Variants in DEFB107B observed in about 807,000 individuals in gnomAD.
The protein encoded by DEFB107B is defensin beta 107B, also known as beta-defensin 107.
At chr8:7,503,832 C>T (rs1585544944) in intron 1 of DEFB107B, among the ~76,000 whole-genome samples, 1 of 23,894 alleles carries the variant, frequency 4.2e-5, no homozygotes, top group African/African-American at 7.3e-5. Context: ...GTCTACCAAT[C>T]CTTCAAACTG....
Position 7,502,435 on chromosome 8 carries a change from G to A in DEFB107B, c.70+6432G>A, listed in dbSNP as rs1811880614. Among the ~76,000 whole-genome samples, 2 of 22,350 alleles carry A rather than the reference G, an allele frequency of 8.9e-5. 1 individual carries two copies. 14.7% of individuals were successfully genotyped at this position (22,350 alleles called of 152,430 possible). The stretch of plus-strand genomic sequence containing the variant: ...AATAATGATACCTGTTGGAGAATGT[G>A]CAGTGGCAAAAATCAAAAGTTGGAG... On this transcript the variant is annotated intron_variant, in intron 1 of 1. Coordinates refer to ENST00000355602, the MANE Select transcript of DEFB107B (RefSeq NM_001040705.2).
intron 1 of DEFB107B, among the ~76,000 whole-genome samples, chr8:7,497,897 C>A (rs111999509): frequency 0.31 from 6,897 of 22,598 alleles, 3,170 homozygotes; most frequent in African/African-American, 0.52. Context: ...TTGCCCCTAC[C>A]CACCTGTGGG....
chr8:7,496,546 C>T (rs1310891973), intron 1 of DEFB107B, among the ~76,000 whole-genome samples: 1 of 151,472 alleles, frequency 6.6e-6, no homozygotes, highest in South Asian at 2.1e-4. Context: ...GTGATCCGCC[C>T]TCCTCGGCCT....
chr8:7,507,487 T>C (rs1466101241), intron 1 of DEFB107B, among the ~76,000 whole-genome samples: 1 of 82,758 alleles, frequency 1.2e-5, no homozygotes, highest in Non-Finnish European at 2.4e-5. Context: ...AAACTTGTTA[T>C]ATTAATTAGA....
At chr8:7,496,426 A>G (rs1335124479) in intron 1 of DEFB107B, among the ~76,000 whole-genome samples, 2 of 144,048 alleles carry the variant, frequency 1.4e-5, no homozygotes, top group Non-Finnish European at 3.0e-5. Flanking sequence ...CAGCCTCCCG[A>G]GTAGCTGGGA....
chr8:7,496,485 A>T (rs1307567681), intron 1 of DEFB107B, among the ~76,000 whole-genome samples: 271 of 151,854 alleles, frequency 1.8e-3, no homozygotes, highest in African/African-American at 6.3e-3. Context: ...TATTTTTAGT[A>T]GAGACGGGGT....
intron 1 of DEFB107B, among the ~76,000 whole-genome samples, chr8:7,496,516 G>T (rs1451492369): frequency 6.6e-6 from 1 of 151,948 alleles, no homozygotes; most frequent in Non-Finnish European, 1.5e-5. Context: ...TAGCCAGGAT[G>T]GTCTTGATGT....
intron 1 of DEFB107B, among the ~76,000 whole-genome samples, chr8:7,500,064 T>TG (rs1251771075): frequency 3.7e-5 from 2 of 53,380 alleles, no homozygotes; most frequent in African/African-American, 1.7e-4. Context: ...CGACTGAGTT[T>TG]GTCCTGAGCA....
rs1373702273 is a variant in DEFB107B, at chr8:7,497,619, C to T, written c.70+1616C>T. ...ATTTTCTGCCCTCAGCATCTTTTTG[C>T]AGATGTCAGACAATGCTCCAGAATA... On this transcript the variant is annotated intron_variant, in intron 1 of 1. Transcript: ENST00000355602. 1.1e-4 allele frequency among the ~76,000 whole-genome samples: 16 copies of T among 152,042 alleles called. No individual in the cohort carries two copies. The East Asian group carries it at 3.1e-3, about 30-fold the overall frequency.
rs1220806129 is a variant in DEFB107B at position 7,502,812 on chromosome 8, C to G, written c.71-6269C>G. On this transcript the variant is annotated intron_variant, in intron 1 of 1. Transcript: ENST00000355602. ...CTATTGCCAGTCCAGCACTGGCAAC[C>G]TCTGCTTGCAGAAATGTATAACAGT... 5.6e-4 allele frequency among the ~76,000 whole-genome samples: 13 copies of G among 23,344 alleles called. 6 individuals are homozygous for G. Among genetic ancestry groups the G allele is most frequent in the Non-Finnish European group, 1.8e-4 (1 of 5,638 alleles). The allele number at this position is 23,344 out of a possible 152,430, so 15.3% of individuals were successfully genotyped here.
intron 1 of DEFB107B, among the ~76,000 whole-genome samples, chr8:7,497,436 T>C (rs1184475462): frequency 1.3e-5 from 2 of 151,570 alleles, no homozygotes; most frequent in Non-Finnish European, 3.0e-5. Context: ...GAAACTTGGT[T>C]CTAACTAGGA....
chr8:7,496,505 T>A (rs1276369100), intron 1 of DEFB107B, among the ~76,000 whole-genome samples: 18 of 152,098 alleles, frequency 1.2e-4, no homozygotes, highest in Non-Finnish European at 1.5e-5. Context: ...TTTCACCGTG[T>A]TAGCCAGGAT....
intron 1 of DEFB107B, among the ~76,000 whole-genome samples, chr8:7,504,259 C>T (rs1403809298): frequency 1.6e-3 from 47 of 29,550 alleles, no homozygotes; most frequent in Non-Finnish European, 3.9e-3. Context: ...CCGCTTGTGG[C>T]GGGGGACAAT....
At chr8:7,496,519 C>G (rs1379724936) in intron 1 of DEFB107B, among the ~76,000 whole-genome samples, 5 of 151,874 alleles carry the variant, frequency 3.3e-5, no homozygotes, top group Non-Finnish European at 7.4e-5. Flanking sequence ...CCAGGATGGT[C>G]TTGATGTCCT....
intron 1 of DEFB107B, among the ~76,000 whole-genome samples, chr8:7,502,954 C>G (rs1232657691): frequency 4.4e-5 from 1 of 22,572 alleles, no homozygotes; most frequent in Non-Finnish European, 1.9e-4. Flanking sequence ...AAAAGTCTGA[C>G]AAATAGTTGG....
chr8:7,496,520 T>A (rs1447951121), intron 1 of DEFB107B, among the ~76,000 whole-genome samples: 87 of 152,050 alleles, frequency 5.7e-4, no homozygotes, highest in Non-Finnish European at 3.4e-4. Context: ...CAGGATGGTC[T>A]TGATGTCCTG....
At chr8:7,496,494 G>T (rs1326589894) in intron 1 of DEFB107B, among the ~76,000 whole-genome samples, 1 of 151,988 alleles carries the variant, frequency 6.6e-6, no homozygotes, top group Non-Finnish European at 1.5e-5. Context: ...TAGAGACGGG[G>T]TTTCACCGTG....
intron 1 of DEFB107B, among the ~76,000 whole-genome samples, chr8:7,496,914 C>G (rs1440172706): frequency 1.8e-5 from 2 of 109,400 alleles, no homozygotes; most frequent in African/African-American, 3.8e-5. Flanking sequence ...CTTTGAGATT[C>G]TCTTTGCTTC....
intron 1 of DEFB107B, among the ~76,000 whole-genome samples, chr8:7,496,537 T>G (rs1325358814): frequency 2.0e-5 from 3 of 151,884 alleles, no homozygotes; most frequent in Non-Finnish European, 4.4e-5. Context: ...CCTGACTTCG[T>G]GATCCGCCCT....
Sources: allele counts gnomAD v4.1 joint callset (sites outside exome capture counted in the v4.1 genomes callset), GRCh38; gene constraint gnomAD v4.1.1; transcripts MANE v1.5; gene names NCBI Gene and HGNC (gene_info 2026-07-23, HGNC 2026-07-21).